The following DOCK9 variants were observed in gnomAD, a reference collection of about 807,000 sequenced individuals.
The protein encoded by DOCK9 is dedicator of cytokinesis protein 9.
Under a neutral mutation model 263.3 loss-of-function variants are expected in DOCK9, and 89 were observed. The ratio of observed to expected loss-of-function variants is 0.34; its 90% CI spans 0.28 to 0.40. The LOEUF is 0.40. Ranked by LOEUF, DOCK9 falls within the 10% of genes least tolerant of loss-of-function variation. The pLI is 1.00. For synonymous variants in DOCK9, 976 were observed against 973.1 expected, an observed-to-expected ratio of 1.00 and a Z score of -0.06; for missense variants, 2,140 against 2,603.4, an observed-to-expected ratio of 0.82 and a Z score of 3.87.
chr13:98,866,119 C>T (rs1408894474), intron 30 of DOCK9, among the ~76,000 whole-genome samples: 1 of 152,148 alleles, frequency 6.6e-6, no homozygotes, highest in Non-Finnish European at 1.5e-5. Flanking sequence ...TCTGGCCACC[C>T]TGTCTCAAAT....
chr13:98,850,263 G>T, intron 35 of DOCK9, 150 bp from the exon 36 acceptor site: 1 of 543,674 alleles, frequency 1.8e-6, no homozygotes, highest in Non-Finnish European at 3.3e-6. Flanking sequence ...CTCTTTTATA[G>T]CTGACCACTC....
At chr13:98,858,570 T>C (rs2093764819) in intron 33 of DOCK9, 1 of 152,188 alleles carries the variant, frequency 6.6e-6, no homozygotes, top group African/African-American at 2.4e-5. Context: ...TAAACCCAGT[T>C]CAAAGATGAG....
chr13:98,989,215 G>A (rs150440701), intron 1 of DOCK9, among the ~76,000 whole-genome samples: 53 of 151,850 alleles, frequency 3.5e-4, no homozygotes, highest in African/African-American at 1.1e-3. Context: ...TTCCTCCTTG[G>A]TACTCCAGCA....
Position 98,852,570 on chromosome 13 carries a change from A to T in DOCK9, c.3946+838T>A, listed in dbSNP as rs76501506. 2.7e-3 allele frequency among the ~76,000 whole-genome samples: 407 copies of T among 152,332 alleles called. 14 individuals are homozygous for T. In the East Asian group the frequency reaches 0.064, roughly 24 times the overall value. On this transcript the variant is annotated intron_variant, in intron 35 of 52. Coordinates refer to ENST00000682017, the MANE Select transcript of DOCK9 (RefSeq NM_001366683.2). ...CCCGCCCCCAGATATAAGCAGCACA[A>T]GAGGCCTTCAGGTTCTCAAAAAATG...
At chr13:98,921,177 A>G (rs1595337356) in intron 6 of DOCK9, 89 bp from the exon 7 acceptor site, 1 of 1,325,456 alleles carries the variant, frequency 7.5e-7, no homozygotes, top group Non-Finnish European at 1.0e-6. Context: ...ACATACATAC[A>G]TAAAACCTGT....
At chr13:98,946,503 G>T (rs966603264) in intron 2 of DOCK9, among the ~76,000 whole-genome samples, 1 of 152,078 alleles carries the variant, frequency 6.6e-6, no homozygotes, top group African/African-American at 2.4e-5. Flanking sequence ...AATACGCAAT[G>T]CTCTCCTTCC....
At chr13:99,025,294 A>T (rs750314581) in intron 1 of DOCK9, 1 of 152,230 alleles carries the variant, frequency 6.6e-6, no homozygotes, top group African/African-American at 2.4e-5. Context: ...GAAGACTGGC[A>T]TGGTCCCTGC....
chr13:99,068,638 C>G lies in DOCK9; in HGVS notation c.129+17585G>C, dbSNP rs145270086. Among the ~76,000 whole-genome samples, 256 of 151,576 alleles carry G rather than the reference C, an allele frequency of 1.7e-3. 1 individual carries two copies. Among genetic ancestry groups the G allele is most frequent in the African/African-American group, 5.7e-3 (236 of 41,254 alleles). ...CTCAATCAGTTTTTCACGAACTCCA[C>G]AGAAATTAGTTAAGCACATACATCC... On this transcript the variant is annotated intron_variant, in intron 1 of 32. Coordinates refer to the DOCK9 transcript ENST00000427887.
At chr13:98,997,443 A>T (rs1252365095) in intron 1 of DOCK9, among the ~76,000 whole-genome samples, 2 of 152,222 alleles carry the variant, frequency 1.3e-5, no homozygotes, top group East Asian at 3.8e-4. Context: ...GCTTTGCCTA[A>T]ACATCTGTAA....
chr13:98,880,477 T>C, intron 26 of DOCK9, 70 bp downstream of exon 26: 1 of 1,601,514 alleles, frequency 6.2e-7, no homozygotes, highest in Non-Finnish European at 8.5e-7. Flanking sequence ...AAAGGCTGTA[T>C]TGATCAGGCT....
chr13:98,864,925 C>G (rs1439411878), intron 30 of DOCK9, among the ~76,000 whole-genome samples: 1 of 152,168 alleles, frequency 6.6e-6, no homozygotes, highest in East Asian at 1.9e-4. Context: ...TGCTCCCTCT[C>G]TCGCCATGTG....
intron 13 of DOCK9, among the ~76,000 whole-genome samples, chr13:98,898,576 T>C (rs2047779732): frequency 2.6e-5 from 4 of 152,224 alleles, no homozygotes; most frequent in Admixed American, 2.6e-4. Flanking sequence ...TAAGTGCTAC[T>C]TATTATAAGT....
intron 15 of DOCK9, among the ~76,000 whole-genome samples, chr13:98,894,554 C>T (rs1478653840): frequency 2.6e-5 from 4 of 151,926 alleles, no homozygotes; most frequent in South Asian, 2.1e-4. Flanking sequence ...CCTAAGTACA[C>T]GCAGACCCAC....
At chr13:98,881,428 T>C (rs528490574) in intron 25 of DOCK9, 130 bp downstream of exon 25, 3 of 691,968 alleles carry the variant, frequency 4.3e-6, no homozygotes, top group African/African-American at 1.8e-5. Context: ...GCATTGGCTA[T>C]GAGAAATAGA....
chr13:98,922,205 G>T, intron 5 of DOCK9, 59 bp from the exon 6 acceptor site: 1 of 1,341,958 alleles, frequency 7.5e-7, no homozygotes, highest in Non-Finnish European at 1.0e-6. Flanking sequence ...GTTGCTTGCT[G>T]TGAGTTTGGT....
chr13:98,837,654 G>T, intron 38 of DOCK9, 45 bp from the exon 39 acceptor site: 1 of 1,392,448 alleles, frequency 7.2e-7, no homozygotes, highest in Non-Finnish European at 1.0e-6. Context: ...GGTTCAGAAG[G>T]CAAGGCTGGC....
intron 45 of DOCK9, among the ~76,000 whole-genome samples, chr13:98,818,593 T>G (rs2092058808): frequency 6.6e-6 from 1 of 151,948 alleles, no homozygotes; most frequent in Admixed American, 6.5e-5. Context: ...TAAAAGCTGG[T>G]TGGGGGAAAA....
At chr13:98,875,926 C>T (rs1314399680) in intron 27 of DOCK9, among the ~76,000 whole-genome samples, 1 of 152,198 alleles carries the variant, frequency 6.6e-6, no homozygotes, top group Admixed American at 6.5e-5. Context: ...AACATGGCCA[C>T]TTCCACCTTC....
intron 44 of DOCK9, 22 bp downstream of exon 44, chr13:98,826,808 A>G (rs773133905): frequency 2.5e-6 from 4 of 1,588,050 alleles, no homozygotes; most frequent in South Asian, 1.1e-5. Context: ...TAATTTCACA[A>G]AACATGAGAA....
Sources: allele counts gnomAD v4.1 joint callset (sites outside exome capture counted in the v4.1 genomes callset), GRCh38; gene constraint gnomAD v4.1.1; transcripts MANE v1.5; gene names NCBI Gene and HGNC (gene_info 2026-07-23, HGNC 2026-07-21).